The following FAM168A variants were observed in gnomAD, a reference collection of about 807,000 sequenced individuals.
FAM168A encodes the protein family with sequence similarity 168 member A.
FAM168A carries 3 observed loss-of-function variants against 28.5 expected under a neutral mutation model. The observed-to-expected ratio is 0.11, with a 90% CI of 0.05 to 0.27. The LOEUF (loss-of-function observed/expected upper bound fraction) is 0.27, where lower values mean the gene tolerates loss of function less well. FAM168A is among the 10% of genes least tolerant of loss of function. The pLI is 1.00. For synonymous variants in FAM168A, 122 were observed against 124.2 expected (o/e 0.98, Z 0.12); for missense variants, 222 against 311.5 (o/e 0.71, Z 2.16).
At position 73,462,136 on chromosome 11, in the gene FAM168A, A is replaced by G. The variant is rs564501342; in HGVS notation, c.70+6269T>C. 2.4e-4 allele frequency among the ~76,000 whole-genome samples: 36 copies of G among 152,372 alleles called. 1 individual carries two copies. In the South Asian group the frequency reaches 7.0e-3, roughly 30 times the overall value. ...TGGATATATACCCAAAAGAATTGAA[A>G]GCAAGGTCTTCAAGAGATATTTGTA... On this transcript the variant is annotated intron_variant, in intron 2 of 7. Transcript: ENST00000356467.
chr11:73,482,106 T>TGTTC (rs1867975102), intron 1 of FAM168A, among the ~76,000 whole-genome samples: 1 of 152,018 alleles, frequency 6.6e-6, no homozygotes, highest in Non-Finnish European at 1.5e-5. Flanking sequence ...AATAAATTTC[T>TGTTC]GTTCTTTATA....
chr11:73,439,788 T>C lies in FAM168A; in HGVS notation c.71-9018A>G, dbSNP rs78178544. Among the ~76,000 whole-genome samples, 893 of 152,258 alleles carry C rather than the reference T, an allele frequency of 5.9e-3. 8 individuals carry two copies. Among genetic ancestry groups the C allele is most frequent in the Middle Eastern group, 0.027 (8 of 294 alleles). ...GAGGTTGTTTGGTGTCTCTGACCTC[T>C]GTGTGTTTATCTTCTAAAACAGATC... On this transcript the variant is annotated intron_variant, in intron 2 of 7. Transcript: ENST00000356467.
intron 1 of FAM168A, among the ~76,000 whole-genome samples, chr11:73,567,085 G>A (rs1055244789): frequency 6.6e-6 from 1 of 152,236 alleles, no homozygotes; most frequent in Admixed American, 6.5e-5. Context: ...AGGTGACCCT[G>A]GCAGCAGATG....
At chr11:73,548,746 T>A (rs1943790182) in intron 1 of FAM168A, among the ~76,000 whole-genome samples, 1 of 152,116 alleles carries the variant, frequency 6.6e-6, no homozygotes. Flanking sequence ...GCTCAAGTGA[T>A]CCTCCTGCCT....
intron 1 of FAM168A, among the ~76,000 whole-genome samples, chr11:73,514,366 T>C (rs1048552686): frequency 1.3e-5 from 2 of 152,198 alleles, no homozygotes; most frequent in African/African-American, 4.8e-5. Flanking sequence ...ATCTGGTGCT[T>C]GATTGAGAAA....
intron 1 of FAM168A, among the ~76,000 whole-genome samples, chr11:73,579,010 T>A (rs1830210237): frequency 6.6e-6 from 1 of 152,232 alleles, no homozygotes. Context: ...ATCTGGTGTC[T>A]GGTGACAGTC....
chr11:73,430,686 T>G lies in FAM168A; in HGVS notation c.151+4A>C. The G allele has an allele frequency of 6.2e-7, 1 of 1,613,152 alleles. No individual in the cohort carries two copies. The highest frequency in any genetic ancestry group is 8.5e-7 in the Non-Finnish European group (1 of 1,179,338). Reference sequence around the variant, plus strand: ...TCGCCACTGCTGTCCCATTTCCTCCTTACCTGGAGCATAACTGGGACTATT... The same window carrying G: ...TCGCCACTGCTGTCCCATTTCCTCCGTACCTGGAGCATAACTGGGACTATT... On this transcript the variant is annotated splice_donor_region_variant and intron_variant, in intron 3 of 7. Transcript: ENST00000356467.
intron 1 of FAM168A, among the ~76,000 whole-genome samples, chr11:73,585,605 C>T (rs564853520): frequency 6.2e-4 from 95 of 152,272 alleles, no homozygotes; most frequent in African/African-American, 1.8e-3. Flanking sequence ...TAGTGGCTCA[C>T]GCCTGTAACT....
At position 73,457,442 on chromosome 11, in the gene FAM168A, G is replaced by A. The variant is rs189454479; in HGVS notation, c.70+10963C>T. ...AAATTTAGGGGTTACCAGGGCTAGA[G>A]GCAGGGCAAAAGATGAGTAAAAGAA... On this transcript the variant is annotated intron_variant, in intron 2 of 7. Transcript: ENST00000356467. Among the ~76,000 whole-genome samples, 4 of 151,602 alleles carry A rather than the reference G, an allele frequency of 2.6e-5. No homozygotes were observed. In the East Asian group the frequency reaches 5.8e-4, roughly 22 times the overall value.
intron 1 of FAM168A, among the ~76,000 whole-genome samples, chr11:73,575,610 C>T (rs942487246): frequency 3.3e-5 from 5 of 152,160 alleles, no homozygotes; most frequent in African/African-American, 1.2e-4. Context: ...TGGCTCACAC[C>T]TGTAATCCCA....
intron 1 of FAM168A, among the ~76,000 whole-genome samples, chr11:73,514,114 C>T (rs1838912277): frequency 6.6e-6 from 1 of 152,048 alleles, no homozygotes; most frequent in Non-Finnish European, 1.5e-5. Context: ...GATCACACCA[C>T]TGTACTCCAG....
intron 1 of FAM168A, among the ~76,000 whole-genome samples, chr11:73,585,297 GTTCT>G (rs1269629377): frequency 6.6e-6 from 1 of 152,144 alleles, no homozygotes; most frequent in East Asian, 1.9e-4. Context: ...ACTGTAGTAA[GTTCT>G]TTATGAATTA....
intron 1 of FAM168A, among the ~76,000 whole-genome samples, chr11:73,590,238 CAA>C (rs1009696913): frequency 6.6e-6 from 1 of 151,724 alleles, no homozygotes; most frequent in Non-Finnish European, 1.5e-5. Flanking sequence ...CCTGTCTCTA[CAA>C]AAAAAATTTT....
At chr11:73,425,064 G>A (rs1433535782) in intron 3 of FAM168A, 2 of 1,523,986 alleles carry the variant, frequency 1.3e-6, no homozygotes, top group Non-Finnish European at 1.8e-6. Context: ...GGATAGAAAT[G>A]TTAGTTGAAA....
At chr11:73,505,511 G>A (rs1406113884) in intron 1 of FAM168A, among the ~76,000 whole-genome samples, 1 of 152,130 alleles carries the variant, frequency 6.6e-6, no homozygotes, top group Non-Finnish European at 1.5e-5. Context: ...TTATTATTAT[G>A]AATGGAGAGG....
chr11:73,489,044 C>A (rs903075696), intron 1 of FAM168A, among the ~76,000 whole-genome samples: 2 of 151,820 alleles, frequency 1.3e-5, no homozygotes, highest in Non-Finnish European at 2.9e-5. Context: ...GTATGCCCGT[C>A]TAATTTTTGT....
At chr11:73,475,192 C>T (rs78538424) in intron 1 of FAM168A, among the ~76,000 whole-genome samples, 12,534 of 152,088 alleles carry the variant, frequency 0.082, 1,555 homozygotes, top group African/African-American at 0.27. Context: ...CAACAGGTTG[C>T]AGTGTTTAAA....
In FAM168A at chr11:73,574,718, ATT is replaced by A. The variant is rs10568027; in HGVS notation, c.-19+23203_-19+23204del. ...GCTGGGATGTGCCACTACACCTGGC[ATT>A]TTTTTTTTTTTTTTTTTTTTTTTAG... On this transcript the variant is annotated intron_variant, in intron 1 of 7. Transcript: ENST00000356467. 8.4e-3 allele frequency among the ~76,000 whole-genome samples: 742 copies of A among 88,654 alleles called. 7 individuals are homozygous for A. Among genetic ancestry groups the A allele is most frequent in the Middle Eastern group, 0.016 (3 of 184 alleles). The allele number at this position is 88,654 out of a possible 152,430, so 58.2% of individuals were successfully genotyped here.
chr11:73,500,155 C>T (rs1286489232), intron 1 of FAM168A, among the ~76,000 whole-genome samples: 1 of 151,940 alleles, frequency 6.6e-6, no homozygotes, highest in African/African-American at 2.4e-5. Context: ...GGAAGCCCAT[C>T]AGTCTAACAG....
Sources: allele counts gnomAD v4.1 joint callset (sites outside exome capture counted in the v4.1 genomes callset), GRCh38; gene constraint gnomAD v4.1.1; transcripts MANE v1.5; gene names NCBI Gene and HGNC (gene_info 2026-07-23, HGNC 2026-07-21).